Variants in ATP9A observed in about 807,000 individuals in gnomAD.
The protein encoded by ATP9A is ATPase phospholipid transporting 9A.
ATP9A carries 52 observed loss-of-function variants against 144.1 expected under a neutral mutation model. The observed-to-expected ratio is 0.36, with a 90% CI of 0.29 to 0.45. ATP9A has a LOEUF of 0.45. ATP9A is among the 20% of genes least tolerant of loss of function. The pLI, the probability that ATP9A is intolerant of heterozygous loss-of-function variation, is 1.00. For synonymous variants in ATP9A, 582 were observed against 557.4 expected, an observed-to-expected ratio of 1.04 and a Z score of -0.62; for missense variants, 947 against 1,392.7, an observed-to-expected ratio of 0.68 and a Z score of 5.09.
chr20:51,717,492 A>G (rs2077667429), intron 3 of ATP9A, among the ~76,000 whole-genome samples: 2 of 152,158 alleles, frequency 1.3e-5, no homozygotes, highest in African/African-American at 4.8e-5. Flanking sequence ...AGCTGACTAA[A>G]AAGGGTCTAC....
intron 12 of ATP9A, 139 bp downstream of exon 12, chr20:51,670,976 T>C: frequency 1.0e-6 from 1 of 991,844 alleles, no homozygotes; most frequent in Non-Finnish European, 1.5e-6. Flanking sequence ...CCAAAGAATC[T>C]TCATCAAAAG....
intron 13 of ATP9A, among the ~76,000 whole-genome samples, chr20:51,668,417 A>G (rs184338572): frequency 2.0e-5 from 3 of 152,138 alleles, no homozygotes; most frequent in African/African-American, 7.2e-5. Flanking sequence ...CGGCTACGTT[A>G]TAATCCAAAG....
chr20:51,694,187 T>TA, intron 6 of ATP9A, 85 bp from the exon 7 acceptor site: 1 of 1,014,502 alleles, frequency 9.9e-7, no homozygotes, highest in Middle Eastern at 2.2e-4. Flanking sequence ...CTGGTCCTTG[T>TA]AAAAACAGCC....
At chr20:51,757,669 C>T (rs1391816734) in intron 1 of ATP9A, among the ~76,000 whole-genome samples, 1 of 152,182 alleles carries the variant, frequency 6.6e-6, no homozygotes, top group African/African-American at 2.4e-5. Flanking sequence ...CTTTGACAGG[C>T]AGAGGTTGGC....
intron 19 of ATP9A, among the ~76,000 whole-genome samples, chr20:51,620,902 C>T (rs539957940): frequency 2.0e-5 from 3 of 152,004 alleles, no homozygotes; most frequent in Non-Finnish European, 4.4e-5. Context: ...AATCCCAGCA[C>T]TTTGGGAGGC....
intron 7 of ATP9A, among the ~76,000 whole-genome samples, chr20:51,691,312 C>CA (rs2122819055): frequency 6.6e-6 from 1 of 152,084 alleles, no homozygotes; most frequent in South Asian, 2.1e-4. Context: ...ACTAAAAATA[C>CA]AAAAAAATTA....
intron 19 of ATP9A, among the ~76,000 whole-genome samples, chr20:51,621,472 C>A (rs151096146): frequency 2.6e-5 from 4 of 152,194 alleles, no homozygotes. Context: ...AAAGAGGACC[C>A]GGTCCCCCTA....
intron 13 of ATP9A, among the ~76,000 whole-genome samples, chr20:51,663,418 T>C (rs934955463): frequency 4.1e-5 from 6 of 146,636 alleles, no homozygotes; most frequent in Non-Finnish European, 7.5e-5. Context: ...AAAACTTTCA[T>C]AAATACCAGA....
At chr20:51,721,739 T>C (rs1237220130) in intron 3 of ATP9A, among the ~76,000 whole-genome samples, 1 of 142,614 alleles carries the variant, frequency 7.0e-6, no homozygotes, top group Non-Finnish European at 1.5e-5. Context: ...AGGCGGAGCT[T>C]ACAGTGAGCC....
In ATP9A at chr20:51,623,798, A is replaced by AG. The variant is rs1473111303; in HGVS notation, c.2016+1393_2016+1394insC. Among the ~76,000 whole-genome samples, 1,204 of 142,698 alleles carry AG rather than the reference A, an allele frequency of 8.4e-3. 5 individuals carry two copies. Among genetic ancestry groups the AG allele is most frequent in the Admixed American group, 0.01 (139 of 13,864 alleles). The allele number at this position is 142,698 out of a possible 152,430, so 93.6% of individuals were successfully genotyped here. A position where few individuals can be genotyped will look rare whatever the true frequency, so the allele number is the denominator to read the frequency against. On this transcript the variant is annotated intron_variant, in intron 18 of 27. Transcript: ENST00000338821. Reference sequence around the variant, plus strand: ...GTGAAACTCTGTCTCAAAAAAAAAAAAAAAAAGAAAGAAAGAAAGAAAAGA... The same window carrying AG: ...GTGAAACTCTGTCTCAAAAAAAAAAAGAAAAAAGAAAGAAAGAAAGAAAAGA...
chr20:51,666,389 C>T (rs375072812), intron 13 of ATP9A, among the ~76,000 whole-genome samples: 29 of 152,170 alleles, frequency 1.9e-4, no homozygotes, highest in African/African-American at 5.1e-4. Flanking sequence ...CTGTACTTTA[C>T]GAAACACTGG....
rs1207352615 is a variant in ATP9A at position 51,619,056 on chromosome 20, A to G, written c.2116-13T>C. On this transcript the variant is annotated splice_polypyrimidine_tract_variant and intron_variant, in intron 19 of 27. Coordinates refer to ENST00000338821, the MANE Select transcript of ATP9A (RefSeq NM_006045.3). ...CGCGGTTGGTCACCTGGAAGGGAAC[A>G]GAGATGGGGAAGGAGGCATTGCTCT... The G allele has an allele frequency of 6.2e-7, 1 of 1,607,800 alleles. No homozygotes were observed. Among genetic ancestry groups the G allele is most frequent in the Admixed American group, 1.7e-5 (1 of 59,992 alleles).
At chr20:51,736,033 C>T (rs1040756513) in intron 1 of ATP9A, among the ~76,000 whole-genome samples, 1 of 152,074 alleles carries the variant, frequency 6.6e-6, no homozygotes, top group Admixed American at 6.6e-5. Context: ...GGTGTGGCTC[C>T]GGGAATGGGT....
rs765791447 is a variant in ATP9A, at chr20:51,748,948, T to TAGATAGATAGACAGACAGACAGAC, written c.69-18971_69-18970insGTCTGTCTGTCTGTCTATCTATCT. ...ATAGATAGATAGATAGATAGATAGA[T>TAGATAGATAGACAGACAGACAGAC]AGACAGACAGACAGACAGACAGACA... On this transcript the variant is annotated intron_variant, in intron 1 of 27. Transcript: ENST00000338821. Among the ~76,000 whole-genome samples, 493 of 137,884 alleles carry TAGATAGATAGACAGACAGACAGAC rather than the reference T, an allele frequency of 3.6e-3. 1 individual carries two copies. Among genetic ancestry groups the TAGATAGATAGACAGACAGACAGAC allele is most frequent in the Admixed American group, 4.6e-3 (60 of 13,092 alleles). The allele number at this position is 137,884 out of a possible 152,430, so 90.5% of individuals were successfully genotyped here. A position where few individuals can be genotyped will look rare whatever the true frequency, so the allele number is the denominator to read the frequency against.
chr20:51,657,236 C>CT, intron 13 of ATP9A, 86 bp from the exon 14 acceptor site: 1 of 1,091,974 alleles, frequency 9.2e-7, no homozygotes, highest in Non-Finnish European at 1.3e-6. Flanking sequence ...GCTATTGTTT[C>CT]TTTTTTCTAC....
chr20:51,664,939 T>G (rs1601091314), intron 13 of ATP9A, among the ~76,000 whole-genome samples: 1 of 149,134 alleles, frequency 6.7e-6, no homozygotes, highest in Non-Finnish European at 1.5e-5. Flanking sequence ...ACCATGTTGG[T>G]CAGGCTGGTC....
At chr20:51,628,271 T>C (rs2077257661) in intron 16 of ATP9A, among the ~76,000 whole-genome samples, 1 of 152,116 alleles carries the variant, frequency 6.6e-6, no homozygotes, top group African/African-American at 2.4e-5. Context: ...GGGACAAAAA[T>C]GGCCTGAAAA....
chr20:51,639,698 T>C (rs2077310600), intron 14 of ATP9A, among the ~76,000 whole-genome samples, 194 bp from the exon 15 acceptor site: 1 of 152,156 alleles, frequency 6.6e-6, no homozygotes, highest in Non-Finnish European at 1.5e-5. Flanking sequence ...GCTCCCACAC[T>C]GAAAGCTGCC....
chr20:51,700,702 C>A (rs576122837), intron 4 of ATP9A, among the ~76,000 whole-genome samples: 1 of 152,084 alleles, frequency 6.6e-6, no homozygotes, highest in African/African-American at 2.4e-5. Context: ...TGGTGGCACA[C>A]GCCTGTAATC....
Sources: allele counts gnomAD v4.1 joint callset (sites outside exome capture counted in the v4.1 genomes callset), GRCh38; gene constraint gnomAD v4.1.1; transcripts MANE v1.5; gene names NCBI Gene and HGNC (gene_info 2026-07-23, HGNC 2026-07-21).